The following CSMD1 variants were observed in gnomAD, a reference collection of about 807,000 sequenced individuals.
CSMD1 encodes the protein CUB and sushi domain-containing protein 1.
In CSMD1, 213 loss-of-function variants were observed where a neutral mutation model predicts 417.5. The ratio of observed to expected loss-of-function variants is 0.51; its 90% CI spans 0.46 to 0.57. CSMD1 has a LOEUF of 0.57. CSMD1 is among the 20% of genes least tolerant of loss of function. CSMD1 has a pLI of 0.00. For synonymous variants in CSMD1, 2,862 were observed against 1,736.8 expected, an observed-to-expected ratio of 1.65 and a Z score of -16.11; for missense variants, 6,923 against 4,529.7, an observed-to-expected ratio of 1.53 and a Z score of -15.17.
chr8:4,746,576 T>C (rs1810968328), intron 1 of CSMD1, among the ~76,000 whole-genome samples: 1 of 152,172 alleles, frequency 6.6e-6, no homozygotes, highest in Admixed American at 6.5e-5. Context: ...AATGAAGGAA[T>C]GTGATCTATT....
chr8:3,985,356 G>A (rs1463872870), intron 5 of CSMD1, among the ~76,000 whole-genome samples: 4 of 152,110 alleles, frequency 2.6e-5, no homozygotes, highest in Non-Finnish European at 5.9e-5. Flanking sequence ...AGATTGCATT[G>A]TTTTGTTTTC....
chr8:4,281,133 C>G (rs1448068508), intron 3 of CSMD1, among the ~76,000 whole-genome samples: 1 of 152,168 alleles, frequency 6.6e-6, no homozygotes, highest in Non-Finnish European at 1.5e-5. Context: ...CTAGGTGGCA[C>G]TCAGCCCTCG....
intron 3 of CSMD1, among the ~76,000 whole-genome samples, chr8:4,218,835 T>G (rs183432024): frequency 3.3e-5 from 5 of 152,208 alleles, no homozygotes; most frequent in African/African-American, 9.6e-5. Context: ...TTCTGACAAT[T>G]ATTTCCCCTA....
At chr8:3,542,868 C>T (rs1475263233) in intron 10 of CSMD1, among the ~76,000 whole-genome samples, 1 of 152,296 alleles carries the variant, frequency 6.6e-6, no homozygotes, top group East Asian at 1.9e-4. Context: ...TTTCCCGTGT[C>T]CCTCAGCTAC....
intron 2 of CSMD1, among the ~76,000 whole-genome samples, chr8:4,595,138 C>G (rs368098846): frequency 1.2e-4 from 18 of 151,928 alleles, no homozygotes; most frequent in African/African-American, 3.9e-4. Context: ...TTCTGAGCAT[C>G]CTCATTTAGT....
chr8:3,935,048 T>G (rs1318568100), intron 5 of CSMD1, among the ~76,000 whole-genome samples: 1 of 152,168 alleles, frequency 6.6e-6, no homozygotes, highest in Non-Finnish European at 1.5e-5. Context: ...TCGTTTCTTT[T>G]GCATTGCACT....
intron 3 of CSMD1, among the ~76,000 whole-genome samples, chr8:4,250,103 C>T (rs1802961990): frequency 6.6e-6 from 1 of 152,180 alleles, no homozygotes; most frequent in Admixed American, 6.5e-5. Context: ...TGGGATGACT[C>T]AGCAAGAAAG....
At chr8:3,442,154 G>A (rs947729753) in intron 12 of CSMD1, among the ~76,000 whole-genome samples, 2 of 151,842 alleles carry the variant, frequency 1.3e-5, no homozygotes, top group Admixed American at 6.6e-5. Flanking sequence ...TGTACAATGT[G>A]TTTTAGGCTA....
intron 3 of CSMD1, among the ~76,000 whole-genome samples, chr8:4,238,287 A>T (rs1318256600): frequency 2.6e-5 from 4 of 152,294 alleles, no homozygotes; most frequent in African/African-American, 9.6e-5. Context: ...ACATGAATGA[A>T]TGTGCTTCCT....
chr8:3,995,725 C>T (rs57847532), intron 5 of CSMD1, among the ~76,000 whole-genome samples: 34,001 of 152,082 alleles, frequency 0.22, 3,926 homozygotes, highest in African/African-American at 0.28. Context: ...AGGGCTTTTG[C>T]GCCAAGCAAA....
chr8:3,317,412 T>G (rs1168564454), intron 23 of CSMD1, among the ~76,000 whole-genome samples: 1 of 152,162 alleles, frequency 6.6e-6, no homozygotes, highest in Non-Finnish European at 1.5e-5. Flanking sequence ...ACAGTATGAG[T>G]CAACATTGAC....
intron 1 of CSMD1, among the ~76,000 whole-genome samples, chr8:4,927,113 T>A (rs1230710467): frequency 6.7e-6 from 1 of 149,380 alleles, no homozygotes; most frequent in African/African-American, 2.4e-5. Flanking sequence ...ATTATTATTA[T>A]TATTATTATT....
chr8:4,560,151 G>C (rs909661401), intron 2 of CSMD1, among the ~76,000 whole-genome samples: 6 of 152,204 alleles, frequency 3.9e-5, no homozygotes, highest in Admixed American at 1.3e-4. Flanking sequence ...CATATGCTGA[G>C]AAAACCGCGC....
At chr8:4,579,722 A>T (rs966901807) in intron 2 of CSMD1, among the ~76,000 whole-genome samples, 1 of 152,174 alleles carries the variant, frequency 6.6e-6, no homozygotes, top group African/African-American at 2.4e-5. Flanking sequence ...CATGTTTTTT[A>T]CATGGTGAAT....
At chr8:3,484,593 C>A (rs1447285379) in intron 11 of CSMD1, among the ~76,000 whole-genome samples, 1 of 152,148 alleles carries the variant, frequency 6.6e-6, no homozygotes. Flanking sequence ...AACTAGACTT[C>A]ATCAAAATTA....
At chr8:3,869,812 C>T (rs78323640) in intron 5 of CSMD1, among the ~76,000 whole-genome samples, 3,048 of 152,150 alleles carry the variant, frequency 0.02, 124 homozygotes, top group African/African-American at 0.07. Context: ...GCCAGATTTC[C>T]GTATCAACTG....
At chr8:4,925,694 C>A (rs192665632) in intron 1 of CSMD1, among the ~76,000 whole-genome samples, 3 of 152,100 alleles carry the variant, frequency 2.0e-5, no homozygotes, top group Admixed American at 2.0e-4. Context: ...CTACAGGCGC[C>A]CGCCACCACG....
At chr8:3,633,226 C>T (rs1796869688) in intron 7 of CSMD1, among the ~76,000 whole-genome samples, 1 of 152,170 alleles carries the variant, frequency 6.6e-6, no homozygotes, top group Non-Finnish European at 1.5e-5. Flanking sequence ...CTTAAAATGT[C>T]TACATTGGAT....
At chr8:4,135,148 T>C (rs1275232076) in intron 3 of CSMD1, among the ~76,000 whole-genome samples, 1 of 152,200 alleles carries the variant, frequency 6.6e-6, no homozygotes, top group Non-Finnish European at 1.5e-5. Flanking sequence ...TGTCATATTC[T>C]GGTACAATCA....
Sources: allele counts gnomAD v4.1 joint callset (sites outside exome capture counted in the v4.1 genomes callset), GRCh38; gene constraint gnomAD v4.1.1; transcripts MANE v1.5; gene names NCBI Gene and HGNC (gene_info 2026-07-23, HGNC 2026-07-21).